The following KCNG3 variants were observed in gnomAD, a reference collection of about 807,000 sequenced individuals.
The protein encoded by KCNG3 is voltage-gated potassium channel regulatory subunit KCNG3.
In KCNG3, 15 loss-of-function variants were observed where a neutral mutation model predicts 29.0. The ratio of observed to expected loss-of-function variants is 0.52; its 90% CI spans 0.35 to 0.80. KCNG3 has a LOEUF of 0.80. KCNG3 is among the 30% of genes least tolerant of loss of function. The pLI, the probability that KCNG3 is intolerant of heterozygous loss-of-function variation, is 0.01. For missense variants in KCNG3, 512 were observed against 605.7 expected, an observed-to-expected ratio of 0.85 and a Z score of 1.62; for synonymous variants, 322 against 248.9, an observed-to-expected ratio of 1.29 and a Z score of -2.76.
the KCNG3 span, among the ~76,000 whole-genome samples, chr2:42,399,806 T>C: frequency 2.0e-5 from 3 of 152,166 alleles, no homozygotes; most frequent in Non-Finnish European, 4.4e-5. Flanking sequence ...TGGGCTTCTA[T>C]GACACTACTC....
At chr2:42,418,656 G>A in the KCNG3 span, among the ~76,000 whole-genome samples, 1 of 152,254 alleles carries the variant, frequency 6.6e-6, no homozygotes, top group South Asian at 2.1e-4. Flanking sequence ...AAATGTGTGG[G>A]TTTAGGGTTT....
the KCNG3 span, among the ~76,000 whole-genome samples, chr2:42,404,558 A>T: frequency 3.3e-5 from 5 of 152,118 alleles, no homozygotes; most frequent in Admixed American, 2.0e-4. Flanking sequence ...GCGAAACCCC[A>T]TCTCTACTAA....
Position 42,493,154 on chromosome 2 carries a change from G to T in KCNG3, c.348C>A (p.Leu116=), listed in dbSNP as rs756242523. ...AHLEYCCQRR[L]DDRMSDTYTF... is the part of the protein sequence containing the mutation. Reference sequence around the variant, plus strand: ...TGTAGGTGTCGGACATGCGGTCGTCGAGGCGGCGCTGGCAGCAGTACTCGA... The same window carrying T: ...TGTAGGTGTCGGACATGCGGTCGTCTAGGCGGCGCTGGCAGCAGTACTCGA... The change falls in exon 1 of 2, where the codon CTC becomes CTA. Residue 116 remains leucine, a synonymous_variant. Coordinates refer to ENST00000306078, the MANE Select transcript of KCNG3 (RefSeq NM_133329.6). 6 of 1,606,398 alleles carry T rather than the reference G, an allele frequency of 3.7e-6. No homozygotes were observed.
intron 1 of KCNG3, among the ~76,000 whole-genome samples, chr2:42,464,639 AC>A (rs1301781922): frequency 6.6e-6 from 1 of 152,150 alleles, no homozygotes; most frequent in Non-Finnish European, 1.5e-5. Flanking sequence ...ATGGAAAGTA[AC>A]ACAGTCCCCA....
chr2:42,410,864 C>T, the KCNG3 span, among the ~76,000 whole-genome samples: 2 of 152,252 alleles, frequency 1.3e-5, no homozygotes, highest in Non-Finnish European at 2.9e-5. Context: ...AAGACTACTT[C>T]GTTATGCCAC....
intron 1 of KCNG3, chr2:42,470,279 A>G: frequency 2.7e-6 from 1 of 369,396 alleles, no homozygotes; most frequent in Non-Finnish European, 5.3e-6. Flanking sequence ...TTGTCTATGT[A>G]CTCACGCAAT....
the KCNG3 span, among the ~76,000 whole-genome samples, chr2:42,406,642 TG>T: frequency 6.6e-6 from 1 of 150,996 alleles, no homozygotes; most frequent in Non-Finnish European, 1.5e-5. Flanking sequence ...CTGACCAATA[TG>T]GTGAAACCCC....
At chr2:42,447,561 G>C (rs1340527230) in intron 1 of KCNG3, among the ~76,000 whole-genome samples, 1 of 151,268 alleles carries the variant, frequency 6.6e-6, no homozygotes, top group Non-Finnish European at 1.5e-5. Context: ...CGTCAACCAT[G>C]CTGGAGTGCA....
At chr2:42,464,967 A>C (rs1673104213) in intron 1 of KCNG3, among the ~76,000 whole-genome samples, 1 of 152,206 alleles carries the variant, frequency 6.6e-6, no homozygotes, top group South Asian at 2.1e-4. Context: ...GTACCCAGAA[A>C]ATACGTTGCT....
chr2:42,481,431 C>G (rs1162439356), intron 1 of KCNG3, among the ~76,000 whole-genome samples: 1 of 152,150 alleles, frequency 6.6e-6, no homozygotes, highest in East Asian at 1.9e-4. Flanking sequence ...CCCTGCATCT[C>G]TTACTGAGGT....
At chr2:42,404,088 G>C in the KCNG3 span, among the ~76,000 whole-genome samples, 4 of 152,032 alleles carry the variant, frequency 2.6e-5, no homozygotes, top group Non-Finnish European at 5.9e-5. Context: ...CCCATAAAAC[G>C]GTCCAGGCCT....
chr2:42,478,261 G>A (rs1038625693), intron 1 of KCNG3, among the ~76,000 whole-genome samples: 1 of 151,704 alleles, frequency 6.6e-6, no homozygotes, highest in Non-Finnish European at 1.5e-5. Context: ...TTTGAGATAG[G>A]GTCTCACTAT....
intron 1 of KCNG3, among the ~76,000 whole-genome samples, chr2:42,449,568 A>G (rs1229973517): frequency 7.6e-6 from 1 of 130,812 alleles, no homozygotes; most frequent in East Asian, 2.3e-4. Context: ...CCCAGGCTGG[A>G]GCACAGTGGT....
intron 1 of KCNG3, among the ~76,000 whole-genome samples, chr2:42,473,699 A>T (rs1673348965): frequency 6.6e-6 from 1 of 152,052 alleles, no homozygotes; most frequent in African/African-American, 2.4e-5. Flanking sequence ...TCTGCTTCTT[A>T]GGTTTTTGAT....
At position 42,468,177 on chromosome 2, in the gene KCNG3, A is replaced by AG. The variant is rs552883265; in HGVS notation, c.666-23599dup. On this transcript the variant is annotated intron_variant, in intron 1 of 1. Transcript: ENST00000306078. ...CCATTTCTCATCAGTACAACTCTAG[A>AG]GGGTTTAGTCACTGCAGCAAGACAA... Among the ~76,000 whole-genome samples, 227 of 152,290 alleles carry AG rather than the reference A, an allele frequency of 1.5e-3. 1 individual carries two copies. Among genetic ancestry groups the AG allele is most frequent in the African/African-American group, 5.0e-3 (209 of 41,570 alleles).
At chr2:42,465,427 G>A (rs1458672228) in intron 1 of KCNG3, among the ~76,000 whole-genome samples, 1 of 151,768 alleles carries the variant, frequency 6.6e-6, no homozygotes, top group African/African-American at 2.4e-5. Flanking sequence ...ATGTTGCCCA[G>A]GCTGGTCTTG....
intron 1 of KCNG3, among the ~76,000 whole-genome samples, chr2:42,457,367 G>A (rs1023300484): frequency 1.3e-5 from 2 of 151,382 alleles, no homozygotes; most frequent in Non-Finnish European, 2.9e-5. Flanking sequence ...GGGGGCACGC[G>A]CCTGTACTCC....
rs560804816 is a variant in KCNG3 at position 42,452,867 on chromosome 2, C to T, written c.666-8288G>A. On this transcript the variant is annotated intron_variant, in intron 1 of 1. Transcript: ENST00000306078. ...TGTGATCTAGACTCACTGCAACCTG[C>T]GCCTCCAGGGTTCAAGAGATTCTCC... Among the ~76,000 whole-genome samples, 7 of 152,196 alleles carry T rather than the reference C, an allele frequency of 4.6e-5. No homozygotes were observed. The South Asian group carries it at 8.3e-4, about 18-fold the overall frequency.
intron 1 of KCNG3, among the ~76,000 whole-genome samples, chr2:42,452,941 C>T (rs1248250675): frequency 1.3e-5 from 2 of 152,074 alleles, no homozygotes; most frequent in Non-Finnish European, 2.9e-5. Context: ...GCTACCATGC[C>T]GGGGTAATTT....
Sources: gnomAD v4.1 joint callset for allele counts (sites outside exome capture counted in the v4.1 genomes callset) on GRCh38, gnomAD v4.1.1 for gene constraint, MANE v1.5 for transcripts, NCBI Gene and HGNC (gene_info 2026-07-23, HGNC 2026-07-21) for gene names.